DHODH: variants seen among roughly 807,000 people sequenced by gnomAD.
DHODH encodes dihydroorotate dehydrogenase (quinone), also known as dihydroorotate dehydrogenase (quinone), mitochondrial.
In DHODH, 30 loss-of-function variants were observed where a neutral mutation model predicts 39.7. The observed-to-expected ratio is 0.76, with a 90% CI of 0.57 to 1.02. DHODH has a LOEUF of 1.02. DHODH is among the 50% of genes least tolerant of loss of function. The pLI is 0.00. For missense variants in DHODH, 531 were observed against 520.8 expected, an observed-to-expected ratio of 1.02 and a Z score of -0.19; for synonymous variants, 222 against 213.8, an observed-to-expected ratio of 1.04 and a Z score of -0.34.
At position 72,023,520 on chromosome 16, in the gene DHODH, C is replaced by T. The variant is rs199666119; in HGVS notation, c.1020C>T (p.Asp340=). 7.7e-5 allele frequency: 125 copies of T among 1,613,958 alleles called. No individual in the cohort carries two copies. In the Middle Eastern group the frequency reaches 1.3e-3, roughly 17 times the overall value. ...TTGGTGGTGTGAGCAGCGGGCAGGACGCGCTGGAGAAGATCCGGGCAGGGG... is the reference window on the plus strand; with the variant it reads ...TTGGTGGTGTGAGCAGCGGGCAGGATGCGCTGGAGAAGATCCGGGCAGGGG... ...IGVGGVSSGQ[D]ALEKIRAGAS... Residue 340 remains aspartate (D), a synonymous_variant, in exon 8 of 9, where the codon GAC becomes GAT. Coordinates refer to ENST00000219240, the MANE Select transcript of DHODH (RefSeq NM_001361.5).
At chr16:72,016,891 G>T in intron 3 of DHODH, 133 bp from the exon 4 acceptor site, 1 of 776,854 alleles carries the variant, frequency 1.3e-6, no homozygotes, top group Non-Finnish European at 2.2e-6. Context: ...GAGTCCCAGT[G>T]GTGTTTAGAC....
intron 4 of DHODH, chr16:72,020,355 G>GTGTATATATATATATATATATATA (rs2041196170): frequency 9.3e-6 from 1 of 107,534 alleles, no homozygotes; most frequent in African/African-American, 4.6e-5. Context: ...ATATATATAT[G>GTGTATATATATATATATATATATA]TGTATATATA....
At chr16:72,011,873 G>A (rs1294685455) in intron 1 of DHODH, among the ~76,000 whole-genome samples, 177 bp from the exon 2 acceptor site, 1 of 152,120 alleles carries the variant, frequency 6.6e-6, no homozygotes, top group Non-Finnish European at 1.5e-5. Context: ...TGAAGAAGGT[G>A]TGTAGGCAGA....
chr16:72,012,324 T>C, intron 2 of DHODH, 62 bp downstream of exon 2: 1 of 1,479,482 alleles, frequency 6.8e-7, no homozygotes, highest in South Asian at 1.1e-5. Context: ...CCCCTAAACT[T>C]CTCAGCTGGG....
At chr16:72,017,770 CTTTTT>C (rs71153696) in intron 4 of DHODH, among the ~76,000 whole-genome samples, 4,817 of 103,866 alleles carry the variant, frequency 0.046, 161 homozygotes, top group Middle Eastern at 0.072. Flanking sequence ...AAACAACATG[CTTTTT>C]TTTTTTTTTT....
Position 72,025,513 on chromosome 16 carries a change from T to G in DHODH, c.*1314T>G, listed in dbSNP as rs1292435887. The G allele has an allele frequency of 6.6e-6, 1 of 152,278 alleles. No homozygotes were observed. Among genetic ancestry groups the G allele is most frequent in the Non-Finnish European group, 1.5e-5 (1 of 68,058 alleles). The allele number at this position is 152,278 out of a possible 1,614,324, so 9.4% of individuals were successfully genotyped here. On this transcript the variant is annotated 3_prime_UTR_variant, in exon 9 of 9. Coordinates refer to ENST00000219240, the MANE Select transcript of DHODH (RefSeq NM_001361.5). Reference sequence around the variant, plus strand: ...AGTCCCCTGTTGGTGATCACATCGCTAACTTCCGGCGTTTTCCTATCACCA... The same window carrying G: ...AGTCCCCTGTTGGTGATCACATCGCGAACTTCCGGCGTTTTCCTATCACCA...
At chr16:72,016,365 G>A in intron 3 of DHODH, 1 of 157,672 alleles carries the variant, frequency 6.3e-6, no homozygotes, top group Non-Finnish European at 1.4e-5. Context: ...GTGGGGCTGG[G>A]GATACAGGGA....
chr16:72,022,842 G>A (rs1424970543), intron 6 of DHODH, among the ~76,000 whole-genome samples: 1 of 152,128 alleles, frequency 6.6e-6, no homozygotes, highest in Non-Finnish European at 1.5e-5. Flanking sequence ...GACTGAGCCC[G>A]GCCATCGTGG....
rs372609567 is a variant in DHODH, at chr16:72,024,161, G to A, written c.1150G>A (p.Gly384Arg). ...TTTTTCCAGAGAGCAGGGCTTTGGC[G>A]GAGTCACAGATGCCATTGGAGCAGA... ...EALLKEQGFG[G>R]VTDAIGADHR... The change falls in exon 9 of 9, where the codon GGA becomes AGA. Residue 384 changes from glycine (G) to arginine (R), a missense_variant. Gly to Arg is a moderately radical substitution (Grantham distance 125, BLOSUM62 -2). Coordinates refer to ENST00000219240, the MANE Select transcript of DHODH (RefSeq NM_001361.5). 1.9e-5 allele frequency: 31 copies of A among 1,614,062 alleles called. No individual in the cohort carries two copies. Among genetic ancestry groups the A allele is most frequent in the African/African-American group, 5.3e-5 (4 of 74,930 alleles).
intron 4 of DHODH, among the ~76,000 whole-genome samples, chr16:72,019,069 T>G (rs112506454): frequency 0.041 from 6,275 of 152,250 alleles, 401 homozygotes; most frequent in African/African-American, 0.14. Flanking sequence ...GATTCTCCTT[T>G]CTCAGCCTCC....
In DHODH at chr16:72,022,422, G is replaced by T. The variant is rs1210649233; in HGVS notation, c.766G>T (p.Ala256Ser). ...VHRPAVLVKI[A>S]PDLTSQDKED... ...CAGGCCGGCAGTCCTGGTGAAGATC[G>T]CTCCTGACCTCACCAGCCAGGATAA... is the stretch of plus-strand genomic sequence containing the variant. Residue 256 changes from alanine (A) to serine (S), a missense_variant, in exon 6 of 9, where the codon GCT becomes TCT. By Grantham distance (99) the Ala-to-Ser change is moderately conservative. Transcript: ENST00000219240. The T allele has an allele frequency of 6.4e-7, 1 of 1,557,938 alleles. No homozygotes were observed.
intron 3 of DHODH, chr16:72,015,988 T>A (rs998963329): frequency 1.9e-6 from 1 of 526,642 alleles, no homozygotes; most frequent in Non-Finnish European, 2.4e-6. Context: ...ACATTTGATA[T>A]TATTTTCTTC....
chr16:72,020,894 A>G (rs1025527680), intron 4 of DHODH, among the ~76,000 whole-genome samples: 1 of 152,254 alleles, frequency 6.6e-6, no homozygotes, highest in Non-Finnish European at 1.5e-5. Context: ...GGCAAAATGC[A>G]GCAAAACATC....
rs2041263523 is a variant in DHODH, at chr16:72,024,962, C to G, written c.*763C>G. The G allele has an allele frequency of 2.0e-5, 3 of 152,326 alleles. No individual in the cohort carries two copies. 9.4% of individuals were successfully genotyped at this position (152,326 alleles called of 1,614,324 possible). On this transcript the variant is annotated 3_prime_UTR_variant, in exon 9 of 9. Transcript: ENST00000219240. ...CCAGCTTGGGCGACAGATCAAGACT[C>G]TGTCACACACAAAACAAACAAACAA...
chr16:72,018,622 C>T (rs1404387930), intron 4 of DHODH, among the ~76,000 whole-genome samples: 6 of 152,060 alleles, frequency 3.9e-5, no homozygotes, highest in Non-Finnish European at 8.8e-5. Flanking sequence ...TCCTGGTCTA[C>T]GGAGTGAAGC....
intron 4 of DHODH, among the ~76,000 whole-genome samples, chr16:72,019,310 T>G (rs533100614): frequency 1.3e-5 from 2 of 152,234 alleles, no homozygotes; most frequent in East Asian, 3.9e-4. Flanking sequence ...GTAGCTACAC[T>G]CATCTCATTT....
chr16:72,020,266 T>G (rs2041189225), intron 4 of DHODH: 1 of 141,098 alleles, frequency 7.1e-6, no homozygotes, highest in African/African-American at 2.7e-5. Flanking sequence ...ACAGTGAGAC[T>G]CCATCTCAAA....
intron 1 of DHODH, among the ~76,000 whole-genome samples, chr16:72,009,763 C>T (rs147465735): frequency 2.7e-3 from 412 of 152,086 alleles, no homozygotes; most frequent in Non-Finnish European, 4.7e-3. Flanking sequence ...TACAGGCGCG[C>T]GCCACCACGA....
chr16:72,023,483 C>T lies in DHODH; in HGVS notation c.983C>T (p.Pro328Leu), dbSNP rs79673084. The change falls in exon 8 of 9, where the codon CCC (proline) becomes CTC (leucine). Residue 328 changes from proline to leucine, a missense_variant. Pro to Leu is a moderately conservative substitution (Grantham distance 98). Transcript: ENST00000219240. ...ATGTGCTTCTCTGTAGGCCGAGTTC[C>T]CATAATTGGGGTTGGTGGTGTGAGC... The part of the protein sequence containing the change: ...EMYALTQGRV[P>L]IIGVGGVSSG... 3.2e-4 allele frequency: 519 copies of T among 1,614,052 alleles called. 3 individuals are homozygous for T. The African/African-American group carries it at 6.3e-3, about 20-fold the overall frequency.
Sources: gnomAD v4.1 joint callset for allele counts (sites outside exome capture counted in the v4.1 genomes callset) on GRCh38, gnomAD v4.1.1 for gene constraint, MANE v1.5 for transcripts, NCBI Gene and HGNC (gene_info 2026-07-23, HGNC 2026-07-21) for gene names.